UNC13B: variants seen among roughly 807,000 people sequenced by gnomAD.
UNC13B encodes the protein protein unc-13 homolog B.
Under a neutral mutation model 211.0 loss-of-function variants are expected in UNC13B, and 144 were observed. The ratio of observed to expected loss-of-function variants is 0.68; its 90% CI spans 0.60 to 0.78. The LOEUF (loss-of-function observed/expected upper bound fraction) is 0.78, where lower values mean the gene tolerates loss of function less well. UNC13B is among the 30% of genes least tolerant of loss of function. The pLI, the probability that UNC13B is intolerant of heterozygous loss-of-function variation, is 0.00. For missense variants in UNC13B, 1,777 were observed against 2,002.0 expected (o/e 0.89, Z 2.14); for synonymous variants, 709 against 725.8 (o/e 0.98, Z 0.37).
intron 11 of UNC13B, among the ~76,000 whole-genome samples, chr9:35,328,598 C>CCCTCCCTT (rs1831152961): frequency 1.0e-5 from 1 of 98,616 alleles, no homozygotes; most frequent in Non-Finnish European, 2.2e-5. Flanking sequence ...CTGAATTGTC[C>CCCTCCCTT]CCTTCCTTCC....
At chr9:35,297,561 T>TTTTTTTTGTTTGTTTTTTTG in intron 8 of UNC13B, among the ~76,000 whole-genome samples, 1 of 128,164 alleles carries the variant, frequency 7.8e-6, no homozygotes, top group Non-Finnish European at 1.7e-5. Context: ...TTTTTTTTTT[T>TTTTTTTTGTTTGTTTTTTTG]TTTTTTGAGA....
intron 11 of UNC13B, among the ~76,000 whole-genome samples, chr9:35,327,777 C>A (rs12350457): frequency 0.026 from 3,934 of 152,284 alleles, 172 homozygotes; most frequent in African/African-American, 0.088. Context: ...AAAGCATGTT[C>A]TGGAGCATTG....
At chr9:35,379,254 A>G (rs1435757078) in intron 17 of UNC13B, among the ~76,000 whole-genome samples, 1 of 152,122 alleles carries the variant, frequency 6.6e-6, no homozygotes, top group Non-Finnish European at 1.5e-5. Context: ...TCCAGACCAG[A>G]CTGGCCAACA....
intron 2 of UNC13B, 116 bp downstream of exon 2, chr9:35,228,160 A>G: frequency 6.2e-6 from 6 of 961,306 alleles, no homozygotes. Flanking sequence ...TTACTTCACT[A>G]AATTAATTCA....
chr9:35,185,489 T>C (rs575133186), intron 1 of UNC13B, among the ~76,000 whole-genome samples: 1 of 152,322 alleles, frequency 6.6e-6, no homozygotes, highest in Admixed American at 6.5e-5. Context: ...CTGCACCTCA[T>C]TGCATCCAAA....
chr9:35,392,654 AG>A (rs1835610268), intron 26 of UNC13B, among the ~76,000 whole-genome samples: 1 of 53,682 alleles, frequency 1.9e-5, no homozygotes, highest in Non-Finnish European at 3.6e-5. Flanking sequence ...GGGTAGGGGG[AG>A]GGGGGAGGGA....
chr9:35,308,074 CA>C lies in UNC13B; in HGVS notation c.8671del (p.Ser2891ValfsTer78), dbSNP rs1830011280. ...ALKSSQISGASAQPGKVYTQP... is the reference protein window; with the variant it reads ...ALKSSQISGAXAQPGKVYTQP... ...TGAAGTCTTCTCAAATATCTGGGGCCAGTGCTCAGCCAGGTAAAGTCTACAC... is the reference window on the plus strand; with the variant it reads ...TGAAGTCTTCTCAAATATCTGGGGCCGTGCTCAGCCAGGTAAAGTCTACAC... On this transcript the variant is annotated frameshift_variant, in exon 9 of 40. Transcript: ENST00000635942. LOFTEE classifies it high-confidence loss of function. 2.5e-6 allele frequency: 1 copy of C among 399,054 alleles called. No individual in the cohort carries two copies. 24.7% of individuals were successfully genotyped at this position (399,054 alleles called of 1,614,324 possible). A position where few individuals can be genotyped will look rare whatever the true frequency, so the allele number is the denominator to read the frequency against.
intron 22 of UNC13B, chr9:35,385,372 A>G (rs113450371): frequency 2.0e-6 from 2 of 985,238 alleles, no homozygotes; most frequent in African/African-American, 1.7e-5. Flanking sequence ...TTTTCGAAGA[A>G]CTCACTGTTG....
At chr9:35,201,188 A>G (rs1209629754) in intron 1 of UNC13B, among the ~76,000 whole-genome samples, 1 of 152,152 alleles carries the variant, frequency 6.6e-6, no homozygotes, top group Admixed American at 6.5e-5. Flanking sequence ...GATGAAGCCC[A>G]CTTGATCATG....
At chr9:35,222,502 A>G (rs1160643767) in intron 1 of UNC13B, among the ~76,000 whole-genome samples, 7 of 152,202 alleles carry the variant, frequency 4.6e-5, no homozygotes, top group Admixed American at 3.3e-4. Flanking sequence ...CAAGCAAGAT[A>G]TAAATATTCA....
At chr9:35,202,283 A>G (rs1267958813) in intron 1 of UNC13B, among the ~76,000 whole-genome samples, 1 of 152,134 alleles carries the variant, frequency 6.6e-6, no homozygotes, top group South Asian at 2.1e-4. Flanking sequence ...TGGAATAAGT[A>G]TGATGTGGTG....
intron 13 of UNC13B, among the ~76,000 whole-genome samples, chr9:35,374,491 G>A (rs1834264162): frequency 6.9e-6 from 1 of 144,662 alleles, no homozygotes; most frequent in South Asian, 2.2e-4. Flanking sequence ...AACTCTCTGG[G>A]CTTGGCAGAT....
intron 37 of UNC13B, among the ~76,000 whole-genome samples, chr9:35,402,496 A>G (rs1419472920): frequency 6.6e-6 from 1 of 151,698 alleles, no homozygotes; most frequent in Non-Finnish European, 1.5e-5. Context: ...GTTAGCCAGG[A>G]TGGTCTCAAT....
rs377429718 is a variant in UNC13B, at chr9:35,168,526, C to T, written c.22+6221C>T. Reference sequence around the variant, plus strand: ...TTATACTCAGTTGGACCAAATGCCTCGGTGTCTCAGATCAACATCCTCAAT... The same window carrying T: ...TTATACTCAGTTGGACCAAATGCCTTGGTGTCTCAGATCAACATCCTCAAT... On this transcript the variant is annotated intron_variant, in intron 1 of 39. Coordinates refer to ENST00000635942, the MANE Select transcript of UNC13B (RefSeq NM_001371189.2). Among the ~76,000 whole-genome samples the T allele has an allele frequency of 9.1e-4, 138 of 152,256 alleles. 1 individual carries two copies. The South Asian group carries it at 0.018, about 20-fold the overall frequency.
At chr9:35,213,770 TA>T (rs781394945) in intron 1 of UNC13B, among the ~76,000 whole-genome samples, 5 of 152,194 alleles carry the variant, frequency 3.3e-5, no homozygotes, top group Non-Finnish European at 5.9e-5. Flanking sequence ...TGAGTATTCA[TA>T]ACCAGAGGCT....
In UNC13B at chr9:35,227,941, G is replaced by A. The variant is rs1276765700; in HGVS notation, c.23-74G>A. 3.1e-6 allele frequency: 4 copies of A among 1,298,022 alleles called. No homozygotes were observed. The East Asian group carries it at 9.3e-5, about 30-fold the overall frequency. The allele number at this position is 1,298,022 out of a possible 1,614,324, so 80.4% of individuals were successfully genotyped here. On this transcript the variant is annotated intron_variant, in intron 1 of 39. Transcript: ENST00000635942. Reference sequence around the variant, plus strand: ...AACCTAGTTCTAACATTGGTATGTAGTGCCTAATAAATGTTGCTTAAGTAA... The same window carrying A: ...AACCTAGTTCTAACATTGGTATGTAATGCCTAATAAATGTTGCTTAAGTAA...
chr9:35,213,545 A>G (rs1824088142), intron 1 of UNC13B, among the ~76,000 whole-genome samples: 1 of 152,210 alleles, frequency 6.6e-6, no homozygotes, highest in Non-Finnish European at 1.5e-5. Context: ...CATTCTTACC[A>G]TAAAGGCATA....
chr9:35,283,727 G>A (rs1011328432), intron 7 of UNC13B, among the ~76,000 whole-genome samples: 1 of 152,210 alleles, frequency 6.6e-6, no homozygotes, highest in Non-Finnish European at 1.5e-5. Flanking sequence ...AATTGGAGTT[G>A]AGTTGCAATT....
chr9:35,302,506 T>C lies in UNC13B; in HGVS notation c.3102T>C (p.Pro1034=), dbSNP rs1445299804. Residue 1034 remains proline, a synonymous_variant, in exon 9 of 40, where the codon CCT becomes CCC. Transcript: ENST00000635942. The part of the protein sequence containing the change: ...EFNQNDQINS[P]EDAKFNIIKS... ...ATCAGAATGACCAAATAAATAGTCC[T>C]GAAGATGCCAAATTTAATATAATAA... 1 of 398,536 alleles carries C rather than the reference T, an allele frequency of 2.5e-6. No homozygotes were observed. The highest frequency in any genetic ancestry group is 4.4e-6 in the Non-Finnish European group (1 of 225,804). The allele number at this position is 398,536 out of a possible 1,614,324, so 24.7% of individuals were successfully genotyped here.
Sources: gnomAD v4.1 joint callset for allele counts (sites outside exome capture counted in the v4.1 genomes callset) on GRCh38, gnomAD v4.1.1 for gene constraint, MANE v1.5 for transcripts, NCBI Gene and HGNC (gene_info 2026-07-23, HGNC 2026-07-21) for gene names.